The following OCM variants were observed in gnomAD, a reference collection of about 807,000 sequenced individuals.
The protein encoded by OCM is oncomodulin, also known as oncomodulin-1.
A neutral mutation model predicts 14.1 loss-of-function variants in OCM; 18 were observed. That is an observed-to-expected ratio of 1.28 (90% CI 0.88 to 1.89). The LOEUF (loss-of-function observed/expected upper bound fraction) is 1.89. Ranked by LOEUF, OCM falls within the 40% of genes most tolerant of loss-of-function variation. The pLI is 0.00. For synonymous variants in OCM, 48 were observed against 51.0 expected (o/e 0.94, Z 0.25); for missense variants, 140 against 137.6 (o/e 1.02, Z -0.09).
chr7:5,867,116 C>T, the OCM span, among the ~76,000 whole-genome samples: 4,768 of 152,182 alleles, frequency 0.031, 94 homozygotes, highest in Non-Finnish European at 0.047. Context: ...TGTCCATCCA[C>T]AATAGTTTGT....
chr7:5,862,064 C>G, the OCM span, among the ~76,000 whole-genome samples: 1 of 152,132 alleles, frequency 6.6e-6, no homozygotes, highest in African/African-American at 2.4e-5. Context: ...TGGGCCCTCA[C>G]AGTGGCTTTA....
the OCM span, among the ~76,000 whole-genome samples, chr7:5,861,365 G>A: frequency 3.3e-5 from 5 of 151,734 alleles, no homozygotes; most frequent in South Asian, 2.1e-4. Flanking sequence ...AGGTTGAAGT[G>A]AGCTGAGATC....
upstream of OCM, chr7:5,879,952 C>A (rs116380317): frequency 6.6e-6 from 1 of 152,080 alleles, no homozygotes; most frequent in Non-Finnish European, 1.5e-5. Flanking sequence ...GGGGGGAAAC[C>A]GAAAACGGTG....
the OCM span, among the ~76,000 whole-genome samples, chr7:5,867,976 G>A: frequency 6.6e-6 from 1 of 151,924 alleles, no homozygotes; most frequent in African/African-American, 2.4e-5. Context: ...GAGCTCTAGT[G>A]ATCCACCCAC....
the OCM span, among the ~76,000 whole-genome samples, chr7:5,863,450 T>C: frequency 6.6e-6 from 1 of 151,254 alleles, no homozygotes; most frequent in Non-Finnish European, 1.5e-5. Flanking sequence ...GTACGTGGAG[T>C]GACGTGCTTG....
the OCM span, among the ~76,000 whole-genome samples, chr7:5,860,839 TATACAC>T: frequency 6.7e-6 from 1 of 148,306 alleles, no homozygotes; most frequent in Non-Finnish European, 1.5e-5. Context: ...CACACACATA[TATACAC>T]ATACATATAC....
intron 1 of OCM, among the ~76,000 whole-genome samples, chr7:5,882,126 A>T (rs1221061752): frequency 6.8e-6 from 1 of 146,604 alleles, no homozygotes; most frequent in East Asian, 2.1e-4. Context: ...AAAAGCGCCA[A>T]AGGCCATTTA....
chr7:5,865,374 A>G, the OCM span, among the ~76,000 whole-genome samples: 19 of 152,312 alleles, frequency 1.2e-4, no homozygotes, highest in Non-Finnish European at 2.5e-4. Context: ...AACGATTCAT[A>G]ATTGCTCCCC....
the OCM span, among the ~76,000 whole-genome samples, chr7:5,863,635 C>T: frequency 7.3e-5 from 11 of 151,362 alleles, no homozygotes; most frequent in African/African-American, 1.9e-4. Flanking sequence ...TGGGTTCAAG[C>T]GATTCTCCTG....
At chr7:5,864,730 G>A in the OCM span, among the ~76,000 whole-genome samples, 26 of 152,084 alleles carry the variant, frequency 1.7e-4, no homozygotes, top group Non-Finnish European at 3.2e-4. Context: ...CAAGCCAGGC[G>A]GATCACCTGA....
chr7:5,879,449 C>T (rs543435863), upstream of OCM, among the ~76,000 whole-genome samples: 3 of 152,248 alleles, frequency 2.0e-5, no homozygotes, highest in East Asian at 5.8e-4. Flanking sequence ...GGCTTTGAGT[C>T]TGTCAACTCC....
At chr7:5,875,734 A>G (rs1422225454), upstream of OCM, among the ~76,000 whole-genome samples, 1 of 152,156 alleles carries the variant, frequency 6.6e-6, no homozygotes, top group Non-Finnish European at 1.5e-5. Flanking sequence ...TCTATGGACA[A>G]TTGTAAACAC....
chr7:5,866,374 GAGGAAAGGAGGAAGAGAGGA>G, the OCM span, among the ~76,000 whole-genome samples: 1,842 of 60,916 alleles, frequency 0.03, 77 homozygotes, highest in African/African-American at 0.2. Context: ...GGAAGGGAGG[GAGGAAAGGAGGAAGAGAGGA>G]AGGAAAGAAG....
chr7:5,865,391 G>C, the OCM span, among the ~76,000 whole-genome samples: 10 of 152,124 alleles, frequency 6.6e-5, no homozygotes, highest in Admixed American at 3.3e-4. Context: ...CCCCAAATGA[G>C]AGATGGTGAC....
the OCM span, among the ~76,000 whole-genome samples, chr7:5,866,388 GAGA>G: frequency 1.1e-3 from 61 of 56,870 alleles, 1 homozygote; most frequent in East Asian, 0.023. Flanking sequence ...AAAGGAGGAA[GAGA>G]GGAAGGAAAG....
chr7:5,877,563 A>G (rs755775820), upstream of OCM, among the ~76,000 whole-genome samples: 2 of 151,948 alleles, frequency 1.3e-5, no homozygotes, highest in Non-Finnish European at 2.9e-5. Context: ...TCACATCTGT[A>G]ATCCCAGCAC....
the OCM span, among the ~76,000 whole-genome samples, chr7:5,865,363 T>C: frequency 2.6e-5 from 4 of 152,168 alleles, no homozygotes. Context: ...GAGCTTTTAC[T>C]AACGATTCAT....
chr7:5,874,346 A>G, the OCM span, among the ~76,000 whole-genome samples: 2 of 151,682 alleles, frequency 1.3e-5, no homozygotes, highest in African/African-American at 4.8e-5. Context: ...CTGTTTAAAA[A>G]TGGTTAATAT....
At chr7:5,883,340 G>C (rs902077956) in intron 2 of OCM, among the ~76,000 whole-genome samples, 17 of 152,034 alleles carry the variant, frequency 1.1e-4, no homozygotes, top group African/African-American at 4.1e-4. Flanking sequence ...GACAGAGAGA[G>C]ACTCTGTCTC....
Sources: gnomAD v4.1 joint callset for allele counts (sites outside exome capture counted in the v4.1 genomes callset) on GRCh38, gnomAD v4.1.1 for gene constraint, MANE v1.5 for transcripts, NCBI Gene and HGNC (gene_info 2026-07-23, HGNC 2026-07-21) for gene names.